The following SLC6A11 variants were observed in gnomAD, a reference collection of about 807,000 sequenced individuals.
SLC6A11 encodes sodium- and chloride-dependent GABA transporter 3.
Under a neutral mutation model 74.8 loss-of-function variants are expected in SLC6A11, and 25 were observed. The observed-to-expected ratio is 0.33, with a 90% CI of 0.24 to 0.47. The LOEUF is 0.47. Ranked by LOEUF, SLC6A11 falls within the 20% of genes least tolerant of loss-of-function variation. The pLI is 1.00. For synonymous variants in SLC6A11, 330 were observed against 330.2 expected (o/e 1.00, Z 0.01); for missense variants, 574 against 837.0 (o/e 0.69, Z 3.88).
chr3:10,879,672 C>T (rs1465685385), intron 6 of SLC6A11, among the ~76,000 whole-genome samples: 1 of 152,006 alleles, frequency 6.6e-6, no homozygotes, highest in African/African-American at 2.4e-5. Flanking sequence ...GGAATAAAAC[C>T]GGGACATAAA....
intron 5 of SLC6A11, among the ~76,000 whole-genome samples, chr3:10,873,871 T>G (rs111210224): frequency 1.3e-3 from 198 of 152,334 alleles, no homozygotes; most frequent in African/African-American, 4.5e-3. Context: ...CCCTATCCTA[T>G]GCTATGTTAT....
intron 4 of SLC6A11, among the ~76,000 whole-genome samples, chr3:10,841,063 A>C (rs537431325): frequency 2.6e-5 from 4 of 152,282 alleles, no homozygotes; most frequent in African/African-American, 9.6e-5. Flanking sequence ...CTATGGCCTG[A>C]AAAGGGTGCT....
intron 6 of SLC6A11, among the ~76,000 whole-genome samples, chr3:10,898,960 G>T (rs978068077): frequency 6.6e-6 from 1 of 152,180 alleles, no homozygotes; most frequent in Non-Finnish European, 1.5e-5. Context: ...AAAATGAAAG[G>T]CATGTCTCAC....
Position 10,833,606 on chromosome 3 carries a change from G to A in SLC6A11, c.623+10214G>A, listed in dbSNP as rs146246390. 3.2e-3 allele frequency among the ~76,000 whole-genome samples: 480 copies of A among 152,266 alleles called. 1 individual carries two copies. The highest frequency in any genetic ancestry group is 9.5e-3 in the African/African-American group (394 of 41,552). ...AGTGCCGTGCCGTGGTGTGGTGTGG[G>A]GACCTAGAGACCTGGGCTTTGGGGC... On this transcript the variant is annotated intron_variant, in intron 4 of 13. Coordinates refer to ENST00000254488, the MANE Select transcript of SLC6A11 (RefSeq NM_014229.3).
At chr3:10,871,028 ATG>A (rs1694822497) in intron 5 of SLC6A11, among the ~76,000 whole-genome samples, 1 of 152,228 alleles carries the variant, frequency 6.6e-6, no homozygotes, top group South Asian at 2.1e-4. Context: ...CCTAAATATA[ATG>A]TAGAAGTAGA....
At chr3:10,853,422 T>C (rs1179391658) in intron 5 of SLC6A11, among the ~76,000 whole-genome samples, 13 of 152,192 alleles carry the variant, frequency 8.5e-5, no homozygotes, top group Admixed American at 8.5e-4. Flanking sequence ...TCGGGATTGA[T>C]GTGGAGCTGG....
At chr3:10,880,313 C>T (rs559827762) in intron 6 of SLC6A11, among the ~76,000 whole-genome samples, 1 of 152,338 alleles carries the variant, frequency 6.6e-6, no homozygotes, top group Admixed American at 6.5e-5. Flanking sequence ...TTTTCCTGTA[C>T]TTCTGGAAAT....
chr3:10,852,280 C>T (rs552525893), intron 5 of SLC6A11, among the ~76,000 whole-genome samples: 2 of 152,236 alleles, frequency 1.3e-5, no homozygotes, highest in Non-Finnish European at 2.9e-5. Flanking sequence ...AACAGGAGAG[C>T]CCCTGCCCCG....
chr3:10,927,749 G>A (rs1027271400), intron 9 of SLC6A11, among the ~76,000 whole-genome samples: 9 of 152,224 alleles, frequency 5.9e-5, no homozygotes, highest in Non-Finnish European at 1.2e-4. Flanking sequence ...GTGTGCCTTG[G>A]GCTAGTCACC....
chr3:10,898,098 A>T (rs1019229203), intron 6 of SLC6A11, among the ~76,000 whole-genome samples: 3 of 152,158 alleles, frequency 2.0e-5, no homozygotes, highest in African/African-American at 7.2e-5. Flanking sequence ...ACAAGGCACC[A>T]TGTCCCCAAG....
In SLC6A11 at chr3:10,892,396, G is replaced by C. The variant is rs115193156; in HGVS notation, c.891+17301G>C. On this transcript the variant is annotated intron_variant, in intron 6 of 13. Coordinates refer to ENST00000254488, the MANE Select transcript of SLC6A11 (RefSeq NM_014229.3). ...CAGCCTCCTATGCTGTACCCATCTC[G>C]GTCCTTCATGCCCCACTGCTCATCC... Among the ~76,000 whole-genome samples the C allele has an allele frequency of 5.3e-3, 799 of 152,144 alleles. 6 individuals carry two copies. Among genetic ancestry groups the C allele is most frequent in the African/African-American group, 0.018 (761 of 41,512 alleles).
At chr3:10,818,580 C>T (rs1694094744) in intron 1 of SLC6A11, among the ~76,000 whole-genome samples, 2 of 152,186 alleles carry the variant, frequency 1.3e-5, no homozygotes, top group South Asian at 4.1e-4. Context: ...AAAATTGTTG[C>T]TATTAATCCT....
intron 6 of SLC6A11, among the ~76,000 whole-genome samples, chr3:10,910,706 C>A (rs545877629): frequency 2.0e-5 from 3 of 152,188 alleles, no homozygotes; most frequent in Admixed American, 6.5e-5. Flanking sequence ...GGACTTGCAT[C>A]TGCCACTTTC....
chr3:10,929,205 G>C lies in SLC6A11; in HGVS notation c.1237G>C (p.Val413Leu). ...ACCATCATATCTCCCCATCCAGTTT[G>C]TGTGTGTGGAAAGCCTGGTGACCGC... ...LIFLGLDSQFVCVESLVTAVV... is the reference protein window; with the variant it reads ...LIFLGLDSQFLCVESLVTAVV... The change falls in exon 10 of 14, where the codon GTG (valine) becomes CTG (leucine). Residue 413 changes from valine to leucine, a missense_variant. By Grantham distance (32) the Val-to-Leu change is conservative. Around this residue, in one of 4 missense-constraint regions of SLC6A11, gnomAD observed 257 missense variants for 341.5 expected, o/e 0.75. Transcript: ENST00000254488. 6.2e-7 allele frequency: 1 copy of C among 1,613,992 alleles called. No individual in the cohort carries two copies. Among genetic ancestry groups the C allele is most frequent in the Non-Finnish European group, 8.5e-7 (1 of 1,179,940 alleles).
At chr3:10,845,570 G>GAACCCTGTC (rs1694492852) in intron 5 of SLC6A11, among the ~76,000 whole-genome samples, 1 of 152,148 alleles carries the variant, frequency 6.6e-6, no homozygotes, top group Non-Finnish European at 1.5e-5. Flanking sequence ...TCCAAAAGAT[G>GAACCCTGTC]TTCCCCTCAG....
chr3:10,832,713 G>A (rs1694313743), intron 4 of SLC6A11, among the ~76,000 whole-genome samples: 1 of 151,916 alleles, frequency 6.6e-6, no homozygotes, highest in South Asian at 2.1e-4. Context: ...TCTCCTTTTT[G>A]TCCTGTCTGT....
At chr3:10,925,692 A>T (rs2106633419) in intron 8 of SLC6A11, among the ~76,000 whole-genome samples, 1 of 152,270 alleles carries the variant, frequency 6.6e-6, no homozygotes, top group South Asian at 2.1e-4. Context: ...TTTAACAAGA[A>T]ACTGCACCTT....
At chr3:10,860,802 T>C (rs1694694345) in intron 5 of SLC6A11, among the ~76,000 whole-genome samples, 1 of 152,170 alleles carries the variant, frequency 6.6e-6, no homozygotes, top group African/African-American at 2.4e-5. Flanking sequence ...GACACCATTA[T>C]CTAAAAGGGG....
At chr3:10,876,295 G>T (rs1694906538) in intron 6 of SLC6A11, among the ~76,000 whole-genome samples, 1 of 152,236 alleles carries the variant, frequency 6.6e-6, no homozygotes, top group Admixed American at 6.5e-5. Flanking sequence ...TGAATTGCAG[G>T]CAGAATCCCT....
Sources: allele counts gnomAD v4.1 joint callset (sites outside exome capture counted in the v4.1 genomes callset), GRCh38; gene constraint gnomAD v4.1.1; regional missense constraint gnomAD v4.1.1; transcripts MANE v1.5; gene names NCBI Gene and HGNC (gene_info 2026-07-23, HGNC 2026-07-21).